BRCA2: variants seen among roughly 807,000 people sequenced by gnomAD.
BRCA2 encodes the protein breast cancer type 2 susceptibility protein.
Under a neutral mutation model 276.7 loss-of-function variants are expected in BRCA2, and 203 were observed. The observed-to-expected ratio is 0.73, with a 90% CI of 0.65 to 0.82. The LOEUF (loss-of-function observed/expected upper bound fraction) is 0.82. Among genes scored for constraint, BRCA2 ranks in the 40% least tolerant of loss-of-function variants. The pLI is 0.00. For synonymous variants in BRCA2, 1,289 were observed against 1,338.4 expected (o/e 0.96, Z 0.81); for missense variants, 3,920 against 3,915.0 (o/e 1.00, Z -0.03).
intron 18 of BRCA2, among the ~76,000 whole-genome samples, chr13:32,365,721 C>CTTTTTTTTTTTTTTTTTTTTTTTATT (rs36116910): frequency 9.4e-6 from 1 of 105,882 alleles, no homozygotes; most frequent in Non-Finnish European, 1.9e-5. Context: ...ACTTTGGTGT[C>CTTTTTTTTTTTTTTTTTTTTTTTATT]TTTTTTTTTT....
At position 32,379,753 on chromosome 13, in the gene BRCA2, T is replaced by C. The variant is rs431825372; in HGVS notation, c.8957T>C (p.Ile2986Thr). ...TTTCTCATCTTTCTCCAAACAGTTA[T>C]ACTGAGTATTTGGCGTCCATCATCA... ...SYSKKEKDSVILSIWRPSSDL... is the reference protein window; with the variant it reads ...SYSKKEKDSVTLSIWRPSSDL... The change falls in exon 23 of 27, where the codon ATA becomes ACA. Residue 2986 changes from isoleucine to threonine, a missense_variant. Ile to Thr is a moderately conservative substitution (Grantham distance 89, BLOSUM62 -1). Around this residue, in one of 2 missense-constraint regions of BRCA2, gnomAD observed 657 missense variants for 758.2 expected, o/e 0.87. Coordinates refer to ENST00000380152, the MANE Select transcript of BRCA2 (RefSeq NM_000059.4). 1.9e-6 allele frequency: 3 copies of C among 1,610,344 alleles called. No homozygotes were observed. Among genetic ancestry groups the C allele is most frequent in the Non-Finnish European group, 1.7e-6 (2 of 1,176,588 alleles).
In BRCA2 at chr13:32,315,535, C is replaced by G. The variant is rs1365315423; in HGVS notation, c.-172C>G. 6.6e-6 allele frequency: 1 copy of G among 152,272 alleles called. No homozygotes were observed. Among genetic ancestry groups the G allele is most frequent in the East Asian group, 1.9e-4 (1 of 5,200 alleles). The allele number at this position is 152,272 out of a possible 1,614,324, so 9.4% of individuals were successfully genotyped here. The stretch of plus-strand genomic sequence containing the variant: ...AGGCGGAGCCGCTGTGGCACTGCTG[C>G]GCCTCTGCTGCGCCTCGGGTGTCTT... On this transcript the variant is annotated 5_prime_UTR_variant, in exon 1 of 27. Transcript: ENST00000380152.
intron 15 of BRCA2, among the ~76,000 whole-genome samples, chr13:32,357,182 C>T (rs1235099921): frequency 2.6e-5 from 4 of 152,152 alleles, no homozygotes. Flanking sequence ...AATGAGAGAA[C>T]TGAAGCATAG....
chr13:32,351,828 G>C (rs892934553), intron 13 of BRCA2, among the ~76,000 whole-genome samples: 3 of 151,652 alleles, frequency 2.0e-5, no homozygotes, highest in African/African-American at 7.3e-5. Context: ...TTGATACAGA[G>C]TCTCACTCTG....
At position 32,399,167 on chromosome 13, in the gene BRCA2, C is replaced by A. The variant is rs11571835; in HGVS notation, c.*397C>A. 2,251 of 235,094 alleles carry A rather than the reference C, an allele frequency of 9.6e-3. 40 individuals carry two copies. Among genetic ancestry groups the A allele is most frequent in the African/African-American group, 0.047 (2,084 of 44,362 alleles). The allele number at this position is 235,094 out of a possible 1,614,324, so 14.6% of individuals were successfully genotyped here. Reference sequence around the variant, plus strand: ...GAAAAAAAAAAGGGGAAAAGAAAATCTTTTAAATCTTTGGATTTGATCACT... The same window carrying A: ...GAAAAAAAAAAGGGGAAAAGAAAATATTTTAAATCTTTGGATTTGATCACT... On this transcript the variant is annotated 3_prime_UTR_variant, in exon 27 of 27. Coordinates refer to ENST00000380152, the MANE Select transcript of BRCA2 (RefSeq NM_000059.4).
chr13:32,352,632 A>G (rs978121116), intron 13 of BRCA2, among the ~76,000 whole-genome samples: 1 of 152,342 alleles, frequency 6.6e-6, no homozygotes, highest in African/African-American at 2.4e-5. Flanking sequence ...ACAGAGGGAA[A>G]CAAAAAGAAA....
chr13:32,395,546 G>A (rs1463728852), intron 25 of BRCA2, among the ~76,000 whole-genome samples: 7 of 152,120 alleles, frequency 4.6e-5, no homozygotes, highest in African/African-American at 1.4e-4. Context: ...TGAGAAACAG[G>A]TTAAATGGCT....
intron 24 of BRCA2, among the ~76,000 whole-genome samples, chr13:32,388,870 G>T (rs1452151946): frequency 6.6e-6 from 1 of 152,090 alleles, no homozygotes; most frequent in Non-Finnish European, 1.5e-5. Flanking sequence ...TCTGTCCATT[G>T]ATTGGATATT....
At chr13:32,379,544 A>C (rs1039653388) in intron 22 of BRCA2, 29 bp downstream of exon 22, 4 of 1,601,222 alleles carry the variant, frequency 2.5e-6, no homozygotes, top group Non-Finnish European at 3.4e-6. Context: ...TGTTTTTATC[A>C]GTTTTATTAA....
chr13:32,398,869 A>G lies in BRCA2; in HGVS notation c.*99A>G. 1 of 1,430,224 alleles carries G rather than the reference A, an allele frequency of 7.0e-7. No homozygotes were observed. Among genetic ancestry groups the G allele is most frequent in the South Asian group, 1.4e-5 (1 of 73,764 alleles). 88.6% of individuals were successfully genotyped at this position (1,430,224 alleles called of 1,614,324 possible). A position where few individuals can be genotyped will look rare whatever the true frequency, so the allele number is the denominator to read the frequency against. On this transcript the variant is annotated 3_prime_UTR_variant, in exon 27 of 27. Transcript: ENST00000380152. ...CCACACATTAGTACTTATGTTGCAC[A>G]ATGAGAAAAGAAATTAGTTTCAAAT...
chr13:32,357,677 TTTA>T, intron 15 of BRCA2, 62 bp from the exon 16 acceptor site: 3 of 1,525,216 alleles, frequency 2.0e-6, no homozygotes, highest in Non-Finnish European at 2.7e-6. Context: ...TATAATTGTT[TTTA>T]TTGTGTGATA....
intron 13 of BRCA2, among the ~76,000 whole-genome samples, chr13:32,351,572 A>AGT (rs957551920): frequency 6.6e-6 from 1 of 152,162 alleles, no homozygotes; most frequent in Admixed American, 6.6e-5. Context: ...GAAAGGCAAG[A>AGT]GTGTGTGTGT....
intron 3 of BRCA2, among the ~76,000 whole-genome samples, chr13:32,320,703 G>C (rs1409796391): frequency 6.6e-6 from 1 of 152,128 alleles, no homozygotes; most frequent in Non-Finnish European, 1.5e-5. Flanking sequence ...AGGGAATATA[G>C]GTAATGGGCA....
At position 32,337,885 on chromosome 13, in the gene BRCA2, A is replaced by T. The variant is rs761130568; in HGVS notation, c.3530A>T (p.Asp1177Val). Residue 1177 changes from aspartate (D) to valine (V), a missense_variant, in exon 11 of 27, where the codon GAC becomes GTC. By Grantham distance (152) the Asp-to-Val change is radical. Around this residue, in one of 2 missense-constraint regions of BRCA2, gnomAD observed 3,263 missense variants for 3,156.9 expected, o/e 1.03. Transcript: ENST00000380152. ...AATGCCCCATCGATTGGTCAGGTAG[A>T]CAGCAGCAAGCAATTTGAAGGTACA... ...IMNAPSIGQV[D>V]SSKQFEGTVE... 6.2e-7 allele frequency: 1 copy of T among 1,614,116 alleles called. No homozygotes were observed.
At chr13:32,359,872 T>A (rs1437344684) in intron 16 of BRCA2, among the ~76,000 whole-genome samples, 1 of 152,228 alleles carries the variant, frequency 6.6e-6, no homozygotes, top group East Asian at 1.9e-4. Flanking sequence ...ATGTGCCAGG[T>A]ACTATTCTGG....
rs776558472 is a variant in BRCA2 at position 32,333,146 on chromosome 13, T to A, written c.1668T>A (p.Asn556Lys). 1 of 1,614,160 alleles carries A rather than the reference T, an allele frequency of 6.2e-7. No homozygotes were observed. The highest frequency in any genetic ancestry group is 8.5e-7 in the Non-Finnish European group (1 of 1,180,016). ...CSQKEDSLCPNLIDNGSWPAT... is the reference protein window; with the variant it reads ...CSQKEDSLCPKLIDNGSWPAT... ...AGAAGGAGGACTCCTTATGTCCAAA[T>A]TTAATTGATAATGGAAGCTGGCCAG... The change falls in exon 10 of 27, where the codon AAT becomes AAA. Residue 556 changes from asparagine to lysine, a missense_variant. Coordinates refer to ENST00000380152, the MANE Select transcript of BRCA2 (RefSeq NM_000059.4).
At chr13:32,333,648 T>C (rs1488510461) in intron 10 of BRCA2, among the ~76,000 whole-genome samples, 1 of 152,132 alleles carries the variant, frequency 6.6e-6, no homozygotes, top group East Asian at 1.9e-4. Context: ...ATGTGCAGGA[T>C]GTGCAGGTTT....
chr13:32,386,727 A>T (rs1253285125), intron 24 of BRCA2, among the ~76,000 whole-genome samples: 1 of 152,098 alleles, frequency 6.6e-6, no homozygotes, highest in African/African-American at 2.4e-5. Context: ...CCTTAGTTAC[A>T]GTGTGAGGGC....
In BRCA2 at chr13:32,337,699, C is replaced by G. The variant is rs879255448; in HGVS notation, c.3344C>G (p.Ser1115Cys). ...PSQKAEITELSTILEESGSQF... is the reference protein window; with the variant it reads ...PSQKAEITELCTILEESGSQF... ...CAAAAGGCAGAAATTACAGAACTTT[C>G]TACTATATTAGAAGAATCAGGAAGT... is the stretch of plus-strand genomic sequence containing the variant. The change falls in exon 11 of 27, where the codon TCT (serine) becomes TGT (cysteine). Residue 1115 changes from serine (S) to cysteine (C), a missense_variant. Ser to Cys is a moderately radical substitution (Grantham distance 112, BLOSUM62 -1). Transcript: ENST00000380152. The G allele has an allele frequency of 2.5e-6, 4 of 1,606,752 alleles. No individual in the cohort carries two copies. Among genetic ancestry groups the G allele is most frequent in the Admixed American group, 1.7e-5 (1 of 58,654 alleles).
Sources: allele counts gnomAD v4.1 joint callset (sites outside exome capture counted in the v4.1 genomes callset), GRCh38; gene constraint gnomAD v4.1.1; regional missense constraint gnomAD v4.1.1; transcripts MANE v1.5; gene names NCBI Gene and HGNC (gene_info 2026-07-23, HGNC 2026-07-21).